The following SLX4 variants were observed in gnomAD, a reference collection of about 807,000 sequenced individuals.
SLX4 encodes SLX4 structure-specific endonuclease subunit.
A neutral mutation model predicts 146.2 loss-of-function variants in SLX4; 112 were observed. That is an observed-to-expected ratio of 0.77 (90% CI 0.66 to 0.90). The LOEUF is 0.90. SLX4 is among the 40% of genes least tolerant of loss of function. The pLI, the probability that SLX4 is intolerant of heterozygous loss-of-function variation, is 0.00. For synonymous variants in SLX4, 1,061 were observed against 997.7 expected, an observed-to-expected ratio of 1.06 and a Z score of -1.20; for missense variants, 2,563 against 2,392.7, an observed-to-expected ratio of 1.07 and a Z score of -1.49.
Position 3,581,312 on chromosome 16 carries a change from A to G in SLX4, c.*1030T>C, listed in dbSNP as rs566202266. The G allele has an allele frequency of 4.7e-4, 72 of 152,862 alleles. No individual in the cohort carries two copies. Among genetic ancestry groups the G allele is most frequent in the African/African-American group, 1.6e-3 (67 of 41,578 alleles). The allele number at this position is 152,862 out of a possible 1,614,324, so 9.5% of individuals were successfully genotyped here. A position where few individuals can be genotyped will look rare whatever the true frequency, so the allele number is the denominator to read the frequency against. ...TTTCCTGGCCCTCATCTTCCTCCACACTGCTCCTGAGGCTGGAGGCAGCTT... is the reference window on the plus strand; with the variant it reads ...TTTCCTGGCCCTCATCTTCCTCCACGCTGCTCCTGAGGCTGGAGGCAGCTT... On this transcript the variant is annotated 3_prime_UTR_variant, in exon 15 of 15. Coordinates refer to ENST00000294008, the MANE Select transcript of SLX4 (RefSeq NM_032444.4).
In SLX4 at chr16:3,592,853, C is replaced by A; in HGVS notation, c.2173G>T (p.Gly725Cys). The A allele has an allele frequency of 6.2e-7, 1 of 1,610,472 alleles. No individual in the cohort carries two copies. Among genetic ancestry groups the A allele is most frequent in the South Asian group, 1.1e-5 (1 of 90,960 alleles). Residue 725 changes from glycine to cysteine, a missense_variant, in exon 11 of 15, where the codon GGC becomes TGC. Physicochemically the swap from Gly to Cys is radical, Grantham distance 159. Coordinates refer to ENST00000294008, the MANE Select transcript of SLX4 (RefSeq NM_032444.4). ...ACCCCGTCCTCTACAGCGGAGAAGC[C>A]TTCATTGTTCACCTGCAGGTGAAAT... is the stretch of plus-strand genomic sequence containing the variant. ...PLLIQYVNNE[G>C]FSAVEDGVLT...
intron 4 of SLX4, 80 bp from the exon 5 acceptor site, chr16:3,601,271 A>C: frequency 6.9e-7 from 1 of 1,453,334 alleles, no homozygotes; most frequent in South Asian, 1.2e-5. Flanking sequence ...AGGTCAACAC[A>C]GACGTGCTGT....
At chr16:3,584,691 G>T in intron 13 of SLX4, 78 bp downstream of exon 13, 1 of 1,155,708 alleles carries the variant, frequency 8.7e-7, no homozygotes, top group Non-Finnish European at 1.3e-6. Context: ...GGGCCCTTCC[G>T]CCCCCAGGTG....
In SLX4 at chr16:3,594,470, G is replaced by C. The variant is rs1183210458; in HGVS notation, c.2143C>G (p.Pro715Ala). ...GTACTTACATACTGGATGAGGAGCG[G>C]GCATCGGGCATAAAGCACGAACTTG... is the stretch of plus-strand genomic sequence containing the variant. ...AHKFVLYARC[P>A]LLIQYVNNEG... The change falls in exon 10 of 15, where the codon CCG becomes GCG. Residue 715 changes from proline to alanine, a missense_variant. Coordinates refer to ENST00000294008, the MANE Select transcript of SLX4 (RefSeq NM_032444.4). 6.2e-7 allele frequency: 1 copy of C among 1,613,692 alleles called. No homozygotes were observed. The highest frequency in any genetic ancestry group is 2.2e-5 in the East Asian group (1 of 44,878).
At position 3,609,188 on chromosome 16, in the gene SLX4, C is replaced by T. The variant is rs1447698356; in HGVS notation, c.-224G>A. 2.0e-6 allele frequency: 1 copy of T among 498,032 alleles called. No homozygotes were observed. The highest frequency in any genetic ancestry group is 3.6e-6 in the Non-Finnish European group (1 of 274,958). 30.9% of individuals were successfully genotyped at this position (498,032 alleles called of 1,614,324 possible). On this transcript the variant is annotated 5_prime_UTR_variant, in exon 2 of 15. In the 5' UTR this introduces an upstream ATG that the reference lacks. Transcript: ENST00000294008. Reference sequence around the variant, plus strand: ...GGAGGACGAGGCGGGGGGTGGATCACCTGAGGTCAGAAGTTCGAGACCAGC... The same window carrying T: ...GGAGGACGAGGCGGGGGGTGGATCATCTGAGGTCAGAAGTTCGAGACCAGC...
rs748624984 is a variant in SLX4, at chr16:3,583,343, G to A, written c.4907C>T (p.Pro1636Leu). 1.2e-6 allele frequency: 2 copies of A among 1,613,714 alleles called. No individual in the cohort carries two copies. The highest frequency in any genetic ancestry group is 3.3e-5 in the Admixed American group (2 of 59,946). ...CQTLASQTYK[P>L]SRAGVHAQQE... ...CTGGGCATGGACCCCTGCCCTTGAA[G>A]GCTTGTAGGTCTGGGAGGCGAGGGT... Residue 1636 changes from proline to leucine, a missense_variant, in exon 14 of 15, where the codon CCT (proline) becomes CTT (leucine). By Grantham distance (98) the Pro-to-Leu change is moderately conservative (BLOSUM62 -3). Coordinates refer to ENST00000294008, the MANE Select transcript of SLX4 (RefSeq NM_032444.4).
chr16:3,597,436 C>T lies in SLX4; in HGVS notation c.1626G>A (p.Met542Ile), dbSNP rs1333976053. ...EGSALTGAWA[M>I]EDFYTARLVP... is the part of the protein sequence containing the mutation. ...CCAGCCTGGCCGTGTAGAAGTCCTCCATGGCCCAGGCCCCAGTCAGTGCGC... is the reference window on the plus strand; with the variant it reads ...CCAGCCTGGCCGTGTAGAAGTCCTCTATGGCCCAGGCCCCAGTCAGTGCGC... The change falls in exon 7 of 15, where the codon ATG becomes ATA. Residue 542 changes from methionine to isoleucine, a missense_variant. Transcript: ENST00000294008. This position sits in a 1 kb window ranked among gnomAD's most constrained non-coding sequence, Gnocchi z 4.4. 1 of 1,609,600 alleles carries T rather than the reference C, an allele frequency of 6.2e-7. No homozygotes were observed. The highest frequency in any genetic ancestry group is 1.7e-5 in the Admixed American group (1 of 59,088).
chr16:3,586,118 A>G (rs1191175232), intron 12 of SLX4, among the ~76,000 whole-genome samples: 2 of 152,228 alleles, frequency 1.3e-5, no homozygotes, highest in Non-Finnish European at 2.9e-5. Context: ...CACAGTTGCC[A>G]TATGACCCAG....
Position 3,590,972 on chromosome 16 carries a change from T to C in SLX4, c.2666A>G (p.Gln889Arg). The C allele has an allele frequency of 6.2e-7, 1 of 1,614,186 alleles. No homozygotes were observed. Among genetic ancestry groups the C allele is most frequent in the Non-Finnish European group, 8.5e-7 (1 of 1,180,016 alleles). Residue 889 changes from glutamine (Q) to arginine (R), a missense_variant, in exon 12 of 15, where the codon CAA (glutamine) becomes CGA (arginine). Coordinates refer to ENST00000294008, the MANE Select transcript of SLX4 (RefSeq NM_032444.4). The surrounding 1 kb of genome is among the most constrained non-coding windows in gnomAD (Gnocchi z 4.8). ...WLEGGSPVSG[Q>R]LLAGVQVQKQ... Reference sequence around the variant, plus strand: ...CTGCACCTGGACACCTGCTAGGAGTTGCCCAGAAACCGGACTGCCACCCTC... The same window carrying C: ...CTGCACCTGGACACCTGCTAGGAGTCGCCCAGAAACCGGACTGCCACCCTC...
chr16:3,593,997 G>C (rs924962781), intron 10 of SLX4, among the ~76,000 whole-genome samples: 1 of 151,904 alleles, frequency 6.6e-6, no homozygotes, highest in Non-Finnish European at 1.5e-5. Context: ...TCAGCCTCCC[G>C]AGTAGCTGGG....
At position 3,608,428 on chromosome 16, in the gene SLX4, A is replaced by G; in HGVS notation, c.535+2T>C. On this transcript the variant is annotated splice_donor_variant, in intron 2 of 14. Coordinates refer to ENST00000294008, the MANE Select transcript of SLX4 (RefSeq NM_032444.4). LOFTEE classifies it high-confidence loss of function. ...CCCCTGGTTTAAAAGAGTACAAATT[A>G]CCTCTGGTTTTCTCTCTGGAAAGGT... is the stretch of plus-strand genomic sequence containing the variant. The G allele has an allele frequency of 6.2e-7, 1 of 1,613,894 alleles. No individual in the cohort carries two copies. The highest frequency in any genetic ancestry group is 8.5e-7 in the Non-Finnish European group (1 of 1,179,996).
Position 3,582,831 on chromosome 16 carries a change from G to A in SLX4, c.5154-138C>T, listed in dbSNP as rs1321583739. 46 of 894,498 alleles carry A rather than the reference G, an allele frequency of 5.1e-5. No individual in the cohort carries two copies. The East Asian group carries it at 8.1e-4, about 16-fold the overall frequency. The allele number at this position is 894,498 out of a possible 1,614,324, so 55.4% of individuals were successfully genotyped here. A position where few individuals can be genotyped will look rare whatever the true frequency, so the allele number is the denominator to read the frequency against. ...GGCACGATCCCCAGCAAGGCAGGAC[G>A]GGCCTGAGAGATCCCTGCAGGCTAC... is the stretch of plus-strand genomic sequence containing the variant. On this transcript the variant is annotated intron_variant, in intron 14 of 14. Coordinates refer to ENST00000294008, the MANE Select transcript of SLX4 (RefSeq NM_032444.4).
Position 3,581,654 on chromosome 16 carries a change from C to G in SLX4, c.*688G>C, listed in dbSNP as rs1567165200. ...CAGCTGTGCCCAGGACTGGTGGGCT[C>G]AGAGGGTGGCAAATGTGGCAGAATA... On this transcript the variant is annotated 3_prime_UTR_variant, in exon 15 of 15. Transcript: ENST00000294008. 1 of 154,764 alleles carries G rather than the reference C, an allele frequency of 6.5e-6. No homozygotes were observed. Among genetic ancestry groups the G allele is most frequent in the Non-Finnish European group, 1.4e-5 (1 of 69,748 alleles). The allele number at this position is 154,764 out of a possible 1,614,324, so 9.6% of individuals were successfully genotyped here.
chr16:3,600,727 A>G, intron 5 of SLX4: 1 of 419,782 alleles, frequency 2.4e-6, no homozygotes, highest in South Asian at 2.1e-5. Context: ...CAGCCTCCCA[A>G]GTAGCTGGGA....
rs775530786 is a variant in SLX4, at chr16:3,589,502, G to A, written c.4136C>T (p.Pro1379Leu). 1.2e-6 allele frequency: 2 copies of A among 1,609,978 alleles called. No homozygotes were observed. Among genetic ancestry groups the A allele is most frequent in the African/African-American group, 1.3e-5 (1 of 75,000 alleles). Residue 1379 changes from proline to leucine, a missense_variant, in exon 12 of 15, where the codon CCT (proline) becomes CTT (leucine). Coordinates refer to ENST00000294008, the MANE Select transcript of SLX4 (RefSeq NM_032444.4). The surrounding 1 kb of genome is among the most constrained non-coding windows in gnomAD (Gnocchi z 6.2). The part of the protein sequence containing the change: ...FSRRFLKHSP[P>L]GPSFLNQTPA... ...GGTCTGGTTCAGGAAGCTTGGCCCA[G>A]GCGGCGAGTGTTTCAGGAACCGCCT...
Position 3,589,508 on chromosome 16 carries a change from G to T in SLX4, c.4130C>A (p.Ser1377Ter). ...GTTCAGGAAGCTTGGCCCAGGCGGC[G>T]AGTGTTTCAGGAACCGCCTGCTGAA... ...AHFSRRFLKH[S>*]PPGPSFLNQT... Residue 1377 changes from serine (S) to a stop codon, truncating the protein, a stop_gained, in exon 12 of 15, where the codon TCG becomes TAG. Coordinates refer to ENST00000294008, the MANE Select transcript of SLX4 (RefSeq NM_032444.4). LOFTEE classifies it high-confidence loss of function. The surrounding 1 kb of genome is among the most constrained non-coding windows in gnomAD (Gnocchi z 6.2). 6.2e-7 allele frequency: 1 copy of T among 1,609,640 alleles called. No individual in the cohort carries two copies. Among genetic ancestry groups the T allele is most frequent in the Non-Finnish European group, 8.5e-7 (1 of 1,176,982 alleles).
At chr16:3,606,434 A>G in intron 3 of SLX4, 40 bp downstream of exon 3, 1 of 1,606,012 alleles carries the variant, frequency 6.2e-7, no homozygotes, top group Non-Finnish European at 8.5e-7. Flanking sequence ...AGTTGTATTA[A>G]CTTATCTCTG....
chr16:3,605,872 G>A (rs1371276886), intron 3 of SLX4, among the ~76,000 whole-genome samples: 2 of 151,300 alleles, frequency 1.3e-5, no homozygotes, highest in Non-Finnish European at 2.9e-5. Flanking sequence ...GCGTGAACCT[G>A]GGAGGTGGAG....
At chr16:3,603,880 A>C (rs890945535) in intron 3 of SLX4, among the ~76,000 whole-genome samples, 3 of 152,240 alleles carry the variant, frequency 2.0e-5, no homozygotes, top group East Asian at 3.8e-4. Context: ...CCATAAAGAA[A>C]TAAATCCAGA....
Sources: allele counts gnomAD v4.1 joint callset (sites outside exome capture counted in the v4.1 genomes callset), GRCh38; gene constraint gnomAD v4.1.1; non-coding constraint Gnocchi (gnomAD v3.1); transcripts MANE v1.5; gene names NCBI Gene and HGNC (gene_info 2026-07-23, HGNC 2026-07-21).